NRXN1: variants seen among roughly 807,000 people sequenced by gnomAD.
NRXN1 encodes the protein neurexin 1.
A neutral mutation model predicts 150.9 loss-of-function variants in NRXN1; 39 were observed. The ratio of observed to expected loss-of-function variants is 0.26; its 90% CI spans 0.20 to 0.34. NRXN1 has a LOEUF of 0.34. NRXN1 is among the 10% of genes least tolerant of loss of function. The pLI, the probability that NRXN1 is intolerant of heterozygous loss-of-function variation, is 1.00. For synonymous variants in NRXN1, 924 were observed against 757.0 expected (o/e 1.22, Z -3.62); for missense variants, 1,815 against 1,949.9 (o/e 0.93, Z 1.30).
chr2:50,236,940 C>A lies in NRXN1; in HGVS notation c.3395G>T (p.Gly1132Val). Reference protein sequence around the residue: ...PGTTYIFSKGGGQITYKWPPN... With the variant: ...PGTTYIFSKGVGQITYKWPPN... Reference sequence around the variant, plus strand: ...AGGCCACTTATACGTGATTTGTCCACCACCTTTGCTAAAGATATATGTCGT... The same window carrying A: ...AGGCCACTTATACGTGATTTGTCCAACACCTTTGCTAAAGATATATGTCGT... Residue 1132 changes from glycine (G) to valine (V), a missense_variant, in exon 18 of 23, where the codon GGT (glycine) becomes GTT (valine). By Grantham distance (109) the Gly-to-Val change is moderately radical (BLOSUM62 -3). Transcript: ENST00000401669. 1 of 1,613,270 alleles carries A rather than the reference C, an allele frequency of 6.2e-7. No homozygotes were observed. Among genetic ancestry groups the A allele is most frequent in the Non-Finnish European group, 8.5e-7 (1 of 1,179,550 alleles).
chr2:50,110,646 C>T (rs1424314295), intron 18 of NRXN1, among the ~76,000 whole-genome samples: 1 of 151,914 alleles, frequency 6.6e-6, no homozygotes, highest in Non-Finnish European at 1.5e-5. Flanking sequence ...TTAATAAGTC[C>T]TAGACAATAA....
intron 5 of NRXN1, among the ~76,000 whole-genome samples, chr2:50,625,903 T>C (rs1048599806): frequency 6.6e-6 from 1 of 152,018 alleles, no homozygotes; most frequent in Non-Finnish European, 1.5e-5. Flanking sequence ...TGATAAATCA[T>C]CTAAAACAAA....
chr2:49,976,017 ATTTTTTTT>A (rs10597958), intron 21 of NRXN1, among the ~76,000 whole-genome samples: 2 of 91,476 alleles, frequency 2.2e-5, no homozygotes, highest in African/African-American at 4.4e-5. Flanking sequence ...ATGCGGAAGA[ATTTTTTTT>A]TTTTTTTTTT....
intron 5 of NRXN1, among the ~76,000 whole-genome samples, chr2:50,724,537 A>T (rs559459147): frequency 6.6e-6 from 1 of 152,180 alleles, no homozygotes; most frequent in Non-Finnish European, 1.5e-5. Context: ...ATGAATAAAT[A>T]AATGCACTTA....
intron 5 of NRXN1, chr2:50,918,249 G>T (rs540605267): frequency 9.9e-4 from 164 of 166,116 alleles, no homozygotes; most frequent in South Asian, 3.2e-3. Flanking sequence ...AACAGTAAAT[G>T]TCCATTTGAC....
intron 21 of NRXN1, chr2:49,974,148 A>T (rs968898692): frequency 1.1e-5 from 8 of 713,374 alleles, no homozygotes; most frequent in African/African-American, 1.0e-4. Flanking sequence ...TTGCCTGCGC[A>T]TCAGCCCGGC....
intron 5 of NRXN1, among the ~76,000 whole-genome samples, chr2:50,903,842 G>A (rs781408502): frequency 2.0e-5 from 3 of 152,264 alleles, no homozygotes; most frequent in Middle Eastern, 3.4e-3. Context: ...AATGAGATTT[G>A]GAGTGTTCTA....
At chr2:50,144,578 A>C (rs1707739940) in intron 18 of NRXN1, among the ~76,000 whole-genome samples, 1 of 151,932 alleles carries the variant, frequency 6.6e-6, no homozygotes, top group Non-Finnish European at 1.5e-5. Context: ...ACACGGATAA[A>C]GAAGAAGCCA....
At chr2:50,828,134 C>T (rs1022945073) in intron 5 of NRXN1, among the ~76,000 whole-genome samples, 13 of 151,734 alleles carry the variant, frequency 8.6e-5, no homozygotes, top group Non-Finnish European at 1.9e-4. Context: ...CCCTCCCAGA[C>T]GGGGTGGTGG....
chr2:50,986,570 ATATC>A (rs970825719), intron 2 of NRXN1, among the ~76,000 whole-genome samples: 3 of 151,742 alleles, frequency 2.0e-5, no homozygotes, highest in African/African-American at 7.2e-5. Context: ...AGTGAGAAAA[ATATC>A]TAATAAATTT....
intron 18 of NRXN1, among the ~76,000 whole-genome samples, chr2:50,110,491 C>CAAAAAAAAA (rs5831088): frequency 1.5e-4 from 13 of 85,598 alleles, no homozygotes; most frequent in African/African-American, 3.2e-4. Context: ...GACTCTGTCT[C>CAAAAAAAAA]AAAAAAAAAA....
chr2:50,166,606 T>C (rs2059704976), intron 18 of NRXN1, among the ~76,000 whole-genome samples: 1 of 152,030 alleles, frequency 6.6e-6, no homozygotes. Context: ...ATATATGTGT[T>C]TTTTGGCTAC....
At position 50,049,889 on chromosome 2, in the gene NRXN1, C is replaced by T. The variant is rs781062384; in HGVS notation, c.4128+3382G>A. 6.5e-4 allele frequency among the ~76,000 whole-genome samples: 99 copies of T among 152,130 alleles called. 1 individual carries two copies. The highest frequency in any genetic ancestry group is 6.8e-3 in the Middle Eastern group (2 of 294). On this transcript the variant is annotated intron_variant, in intron 21 of 22. Transcript: ENST00000401669. ...AATAGTTTTTGTGAATATTTGCTTT[C>T]TGAGATTAGCCTTCTGGAAAGTTTC...
chr2:50,157,740 G>A (rs1022093397), intron 18 of NRXN1, among the ~76,000 whole-genome samples: 9 of 151,996 alleles, frequency 5.9e-5, no homozygotes, highest in Non-Finnish European at 8.8e-5. Context: ...GTCCACCAGC[G>A]TTGGGCAGTC....
chr2:51,011,071 G>A (rs1360409725), intron 2 of NRXN1, among the ~76,000 whole-genome samples: 1 of 152,046 alleles, frequency 6.6e-6, no homozygotes, highest in African/African-American at 2.4e-5. Flanking sequence ...ACCCTGCCCA[G>A]CCTGATGGCG....
At chr2:50,832,351 CT>C (rs1258598940) in intron 5 of NRXN1, among the ~76,000 whole-genome samples, 1 of 152,054 alleles carries the variant, frequency 6.6e-6, no homozygotes, top group Non-Finnish European at 1.5e-5. Flanking sequence ...TGGGAAGACA[CT>C]GAAAAAATGA....
chr2:50,579,449 C>A (rs999171554), intron 8 of NRXN1, among the ~76,000 whole-genome samples: 2 of 152,094 alleles, frequency 1.3e-5, no homozygotes, highest in Admixed American at 1.3e-4. Context: ...TTGCTTGAAC[C>A]CAGTTTGAGA....
At chr2:50,143,724 C>T (rs760952028) in intron 18 of NRXN1, among the ~76,000 whole-genome samples, 18 of 151,830 alleles carry the variant, frequency 1.2e-4, no homozygotes, top group Non-Finnish European at 2.4e-4. Context: ...CCTACTGTTT[C>T]AATCATGCCT....
intron 2 of NRXN1, among the ~76,000 whole-genome samples, chr2:50,989,792 T>C (rs1558544299): frequency 6.6e-6 from 1 of 152,042 alleles, no homozygotes; most frequent in African/African-American, 2.4e-5. Flanking sequence ...GGTATGGATG[T>C]AGAGAAAAGG....
Sources: allele counts gnomAD v4.1 joint callset (sites outside exome capture counted in the v4.1 genomes callset), GRCh38; gene constraint gnomAD v4.1.1; transcripts MANE v1.5; gene names NCBI Gene and HGNC (gene_info 2026-07-23, HGNC 2026-07-21).